CDH12: variants seen among roughly 807,000 people sequenced by gnomAD.
CDH12 encodes the protein cadherin-12.
Under a neutral mutation model 74.1 loss-of-function variants are expected in CDH12, and 41 were observed. The observed-to-expected ratio is 0.55, with a 90% confidence interval of 0.43 to 0.72. CDH12 has a LOEUF of 0.72. CDH12 is among the 30% of genes least tolerant of loss of function. The probability of loss-of-function intolerance (pLI) is 0.00; values close to 1 mark genes in which losing one functional copy is unlikely to be tolerated. For missense variants in CDH12, 945 were observed against 977.2 expected, an observed-to-expected ratio of 0.97 and a Z score of 0.44; for synonymous variants, 399 against 355.0, an observed-to-expected ratio of 1.12 and a Z score of -1.39.
intron 1 of CDH12, among the ~76,000 whole-genome samples, chr5:22,589,273 C>T (rs1003563299): frequency 6.6e-6 from 1 of 152,060 alleles, no homozygotes; most frequent in Non-Finnish European, 1.5e-5. Context: ...AATGAAGACA[C>T]GAGGAACAAA....
At chr5:21,977,094 T>C (rs904283207) in intron 5 of CDH12, among the ~76,000 whole-genome samples, 2 of 152,080 alleles carry the variant, frequency 1.3e-5, no homozygotes, top group African/African-American at 2.4e-5. Flanking sequence ...AAAAGTGTTT[T>C]GTATGAGAGT....
chr5:22,470,977 C>T (rs2126605282), intron 2 of CDH12, among the ~76,000 whole-genome samples: 1 of 152,086 alleles, frequency 6.6e-6, no homozygotes, highest in Middle Eastern at 3.4e-3. Flanking sequence ...AATTTAAGGG[C>T]ATGTCCAAGA....
chr5:22,713,840 A>C (rs1218459928), intron 1 of CDH12, among the ~76,000 whole-genome samples: 1 of 152,150 alleles, frequency 6.6e-6, no homozygotes, highest in Non-Finnish European at 1.5e-5. Flanking sequence ...AAACTTTCAA[A>C]ACTCACATAT....
At chr5:21,887,862 T>C (rs1414031153) in intron 6 of CDH12, among the ~76,000 whole-genome samples, 1 of 152,092 alleles carries the variant, frequency 6.6e-6, no homozygotes, top group Non-Finnish European at 1.5e-5. Flanking sequence ...CAAATACTTT[T>C]GAGCAGTGCC....
chr5:22,581,254 G>A (rs1046964571), intron 1 of CDH12, among the ~76,000 whole-genome samples: 2 of 152,222 alleles, frequency 1.3e-5, no homozygotes, highest in Non-Finnish European at 2.9e-5. Flanking sequence ...CAGGGTCCCT[G>A]TGCTGTGTGC....
At chr5:22,766,986 G>A (rs971333087) in intron 1 of CDH12, among the ~76,000 whole-genome samples, 2 of 151,948 alleles carry the variant, frequency 1.3e-5, no homozygotes, top group African/African-American at 4.8e-5. Context: ...GCAGGTGGTA[G>A]GTACACAGTA....
intron 1 of CDH12, among the ~76,000 whole-genome samples, chr5:22,585,352 C>T (rs532435066): frequency 6.6e-6 from 1 of 152,088 alleles, no homozygotes; most frequent in African/African-American, 2.4e-5. Context: ...TGCAGTTTCA[C>T]AATGATTTCT....
chr5:22,301,174 G>A (rs1024092008), intron 3 of CDH12, among the ~76,000 whole-genome samples: 8 of 152,012 alleles, frequency 5.3e-5, no homozygotes, highest in Admixed American at 2.0e-4. Flanking sequence ...TTCTACCCAG[G>A]CGTATTTAAA....
rs193260149 is a variant in CDH12, at chr5:22,379,031, A to G, written c.-333+26226T>C. Among the ~76,000 whole-genome samples, 442 of 152,282 alleles carry G rather than the reference A, an allele frequency of 2.9e-3. 4 individuals carry two copies. Among genetic ancestry groups the G allele is most frequent in the African/African-American group, 0.01 (422 of 41,572 alleles). On this transcript the variant is annotated intron_variant, in intron 3 of 14. Transcript: ENST00000382254. ...ATACTGGAACTAAAACAACTACTTA[A>G]CATTATAATAGAAAATACTATATAG...
At chr5:21,790,240 G>A (rs778331228) in intron 10 of CDH12, among the ~76,000 whole-genome samples, 1 of 151,992 alleles carries the variant, frequency 6.6e-6, no homozygotes, top group African/African-American at 2.4e-5. Context: ...ACATATACAG[G>A]TTATGTTTAA....
chr5:22,028,336 T>C (rs1413290951), intron 5 of CDH12, among the ~76,000 whole-genome samples: 2 of 152,100 alleles, frequency 1.3e-5, no homozygotes, highest in Non-Finnish European at 2.9e-5. Flanking sequence ...TGTTTGCAGA[T>C]GACATGATTG....
At chr5:22,459,462 A>G (rs542226324) in intron 2 of CDH12, among the ~76,000 whole-genome samples, 27 of 152,324 alleles carry the variant, frequency 1.8e-4, no homozygotes, top group African/African-American at 6.3e-4. Context: ...AGGCAAATTT[A>G]CTGTGTGAGA....
intron 2 of CDH12, among the ~76,000 whole-genome samples, chr5:22,456,618 A>G (rs187761882): frequency 1.2e-4 from 17 of 143,106 alleles, no homozygotes; most frequent in Non-Finnish European, 4.6e-5. Flanking sequence ...ACTCTTCTAA[A>G]TCTGAAAGTC....
At chr5:21,971,383 G>A (rs959844947) in intron 6 of CDH12, among the ~76,000 whole-genome samples, 1 of 151,988 alleles carries the variant, frequency 6.6e-6, no homozygotes, top group Non-Finnish European at 1.5e-5. Context: ...CTGCATTGGG[G>A]TTACTGTAAT....
chr5:22,272,962 G>A (rs1736467055), intron 3 of CDH12, among the ~76,000 whole-genome samples: 1 of 152,164 alleles, frequency 6.6e-6, no homozygotes, highest in South Asian at 2.1e-4. Flanking sequence ...TGGCAAGAGA[G>A]AGAAGTGCCA....
chr5:22,245,080 C>G (rs754043830), intron 3 of CDH12, among the ~76,000 whole-genome samples: 1 of 152,078 alleles, frequency 6.6e-6, no homozygotes, highest in Non-Finnish European at 1.5e-5. Flanking sequence ...GGAAAAGATG[C>G]CTGAAACCCA....
chr5:21,868,924 C>T (rs1003554563), intron 6 of CDH12, among the ~76,000 whole-genome samples: 2 of 152,120 alleles, frequency 1.3e-5, no homozygotes, highest in African/African-American at 2.4e-5. Context: ...ATTGGCACCA[C>T]TCACCATTAC....
At chr5:22,189,072 T>A (rs1750124016) in intron 4 of CDH12, among the ~76,000 whole-genome samples, 1 of 152,190 alleles carries the variant, frequency 6.6e-6, no homozygotes, top group Non-Finnish European at 1.5e-5. Context: ...TGTGAAAAGC[T>A]GAAATCATTT....
intron 3 of CDH12, among the ~76,000 whole-genome samples, chr5:22,224,737 C>T (rs186743087): frequency 6.6e-6 from 1 of 151,964 alleles, no homozygotes; most frequent in Admixed American, 6.6e-5. Context: ...TTTAATTTAA[C>T]AGTGATTAGT....
Sources: gnomAD v4.1 joint callset for allele counts (sites outside exome capture counted in the v4.1 genomes callset) on GRCh38, gnomAD v4.1.1 for gene constraint, MANE v1.5 for transcripts, NCBI Gene and HGNC (gene_info 2026-07-23, HGNC 2026-07-21) for gene names.